TMEM132D: variants seen among roughly 807,000 people sequenced by gnomAD.
TMEM132D encodes the protein transmembrane protein 132D.
Under a neutral mutation model 62.3 loss-of-function variants are expected in TMEM132D, and 21 were observed. That is an observed-to-expected ratio of 0.34 (90% CI 0.24 to 0.49). TMEM132D has a LOEUF of 0.49. Among genes scored for constraint, TMEM132D ranks in the 20% least tolerant of loss-of-function variants. TMEM132D has a pLI of 0.99. For missense variants in TMEM132D, 1,346 were observed against 1,402.8 expected, an observed-to-expected ratio of 0.96 and a Z score of 0.65; for synonymous variants, 621 against 575.6, an observed-to-expected ratio of 1.08 and a Z score of -1.13.
At chr12:129,079,716 C>A (rs565201851) in intron 7 of TMEM132D, among the ~76,000 whole-genome samples, 1 of 152,154 alleles carries the variant, frequency 6.6e-6, no homozygotes, top group Admixed American at 6.5e-5. Context: ...TACTTCTACC[C>A]GAATGCCACC....
chr12:129,541,795 G>A (rs907545086), intron 2 of TMEM132D, among the ~76,000 whole-genome samples: 4 of 151,990 alleles, frequency 2.6e-5, no homozygotes, highest in Admixed American at 6.6e-5. Flanking sequence ...TCCTTAACAC[G>A]GTGTCTGGTA....
intron 5 of TMEM132D, among the ~76,000 whole-genome samples, chr12:129,176,577 T>G (rs1877912482): frequency 6.6e-6 from 1 of 152,240 alleles, no homozygotes; most frequent in Non-Finnish European, 1.5e-5. Context: ...CTCCTGGGAT[T>G]TGCAGAATCC....
At chr12:129,770,174 TTCTC>T (rs1565979695) in intron 1 of TMEM132D, among the ~76,000 whole-genome samples, 1 of 140,638 alleles carries the variant, frequency 7.1e-6, no homozygotes, top group African/African-American at 2.7e-5. Flanking sequence ...GATCAGATCT[TTCTC>T]TGTCACTCAG....
chr12:129,769,007 A>G lies in TMEM132D; in HGVS notation c.80-68309T>C, dbSNP rs150263940. On this transcript the variant is annotated intron_variant, in intron 1 of 8. Coordinates refer to ENST00000422113, the MANE Select transcript of TMEM132D (RefSeq NM_133448.3). ...AGCTCCTCGAGCCCACATCAAGTAC[A>G]GTAGGATTGGTGCATGTAGGCCAGC... 2.6e-3 allele frequency among the ~76,000 whole-genome samples: 400 copies of G among 152,288 alleles called. 4 individuals are homozygous for G. Among genetic ancestry groups the G allele is most frequent in the African/African-American group, 9.1e-3 (380 of 41,566 alleles).
intron 1 of TMEM132D, among the ~76,000 whole-genome samples, chr12:129,844,245 T>C (rs1441540471): frequency 1.3e-5 from 2 of 152,204 alleles, no homozygotes; most frequent in African/African-American, 4.8e-5. Context: ...ATACAATAAC[T>C]TATGCCAATT....
intron 3 of TMEM132D, among the ~76,000 whole-genome samples, chr12:129,369,675 TA>T (rs1870534967): frequency 6.6e-6 from 1 of 152,256 alleles, no homozygotes; most frequent in South Asian, 2.1e-4. Context: ...GCCAGAGGGC[TA>T]ATTTGCAAAG....
intron 2 of TMEM132D, among the ~76,000 whole-genome samples, chr12:129,673,019 A>AT (rs1396402960): frequency 6.6e-6 from 1 of 152,200 alleles, no homozygotes; most frequent in Non-Finnish European, 1.5e-5. Context: ...AAGTGCTGGG[A>AT]TTACAGGCAT....
intron 5 of TMEM132D, among the ~76,000 whole-genome samples, chr12:129,160,123 C>T (rs550878205): frequency 7.4e-4 from 112 of 152,324 alleles, no homozygotes; most frequent in African/African-American, 2.3e-3. Context: ...GATTGTGTTT[C>T]TGAGGAATCT....
chr12:129,254,571 T>C (rs981336888), intron 4 of TMEM132D, among the ~76,000 whole-genome samples: 1 of 152,128 alleles, frequency 6.6e-6, no homozygotes, highest in Non-Finnish European at 1.5e-5. Flanking sequence ...GGGAGAGTAT[T>C]AAATGAGATT....
intron 1 of TMEM132D, among the ~76,000 whole-genome samples, chr12:129,807,642 A>C (rs1181991572): frequency 6.6e-6 from 1 of 152,162 alleles, no homozygotes; most frequent in African/African-American, 2.4e-5. Flanking sequence ...TTGATTGTTA[A>C]CATCTGTCTT....
chr12:129,397,868 A>G (rs1871477342), intron 3 of TMEM132D, among the ~76,000 whole-genome samples: 1 of 152,320 alleles, frequency 6.6e-6, no homozygotes, highest in African/African-American at 2.4e-5. Context: ...GAAAGCATTC[A>G]AGATACCAAA....
intron 1 of TMEM132D, among the ~76,000 whole-genome samples, chr12:129,854,150 T>C (rs189620709): frequency 6.6e-6 from 1 of 152,174 alleles, no homozygotes; most frequent in East Asian, 1.9e-4. Context: ...ATGCTTAACG[T>C]GGGGAATAAA....
intron 2 of TMEM132D, among the ~76,000 whole-genome samples, chr12:129,629,962 G>C (rs1403473758): frequency 6.6e-6 from 1 of 152,190 alleles, no homozygotes; most frequent in African/African-American, 2.4e-5. Flanking sequence ...TCTTTGAATT[G>C]AGCCAGCACT....
At chr12:129,357,773 G>C (rs1251016219) in intron 3 of TMEM132D, among the ~76,000 whole-genome samples, 1 of 152,170 alleles carries the variant, frequency 6.6e-6, no homozygotes, top group Non-Finnish European at 1.5e-5. Flanking sequence ...TTTCCAGACT[G>C]CGTCAATCTT....
chr12:129,489,653 T>C (rs550483950), intron 3 of TMEM132D, among the ~76,000 whole-genome samples: 1 of 152,256 alleles, frequency 6.6e-6, no homozygotes, highest in Admixed American at 6.5e-5. Context: ...GAAATCATTA[T>C]AGTAGAATGT....
intron 1 of TMEM132D, chr12:129,840,392 T>C (rs1873154496): frequency 6.6e-6 from 1 of 152,126 alleles, no homozygotes; most frequent in African/African-American, 2.4e-5. Flanking sequence ...CAGGGTTAAA[T>C]TCCTTCATTT....
At chr12:129,653,715 C>G (rs1879991185) in intron 2 of TMEM132D, among the ~76,000 whole-genome samples, 2 of 152,120 alleles carry the variant, frequency 1.3e-5, no homozygotes, top group African/African-American at 2.4e-5. Context: ...ATTTTGGAAC[C>G]ATTTTAGATC....
intron 2 of TMEM132D, among the ~76,000 whole-genome samples, chr12:129,577,409 T>C (rs907994459): frequency 6.8e-6 from 1 of 148,014 alleles, no homozygotes; most frequent in Non-Finnish European, 1.5e-5. Flanking sequence ...CAATTATATA[T>C]ATATAATTAT....
At chr12:129,420,231 C>A (rs1355792651) in intron 3 of TMEM132D, among the ~76,000 whole-genome samples, 2 of 150,724 alleles carry the variant, frequency 1.3e-5, no homozygotes, top group African/African-American at 4.9e-5. Flanking sequence ...AGCCAAGACA[C>A]TGTACCGTGT....
Sources: gnomAD v4.1 joint callset for allele counts (sites outside exome capture counted in the v4.1 genomes callset) on GRCh38, gnomAD v4.1.1 for gene constraint, MANE v1.5 for transcripts, NCBI Gene and HGNC (gene_info 2026-07-23, HGNC 2026-07-21) for gene names.